VPS26C: variants seen among roughly 807,000 people sequenced by gnomAD.
VPS26C encodes VPS26 endosomal protein sorting factor C.
A neutral mutation model predicts 30.6 loss-of-function variants in VPS26C; 19 were observed. The ratio of observed to expected loss-of-function variants is 0.62; its 90% CI spans 0.43 to 0.91. The LOEUF (loss-of-function observed/expected upper bound fraction) is 0.91, where lower values mean the gene tolerates loss of function less well. VPS26C is among the 40% of genes least tolerant of loss of function. The pLI, the probability that VPS26C is intolerant of heterozygous loss-of-function variation, is 0.00. For synonymous variants in VPS26C, 132 were observed against 151.5 expected (o/e 0.87, Z 0.95); for missense variants, 318 against 385.1 (o/e 0.83, Z 1.46).
At chr21:37,240,725 C>T in intron 1 of VPS26C, 86 bp from the exon 2 acceptor site, 1 of 1,496,244 alleles carries the variant, frequency 6.7e-7, no homozygotes, top group South Asian at 1.3e-5. Context: ...TCTCCTTCAT[C>T]ATCAATTTGT....
chr21:37,264,873 G>A, intron 1 of VPS26C, among the ~76,000 whole-genome samples: 1 of 152,132 alleles, frequency 6.6e-6, no homozygotes, highest in East Asian at 1.9e-4. Flanking sequence ...CGAAAAGGTA[G>A]AAATAACTCC....
At position 37,228,402 on chromosome 21, in the gene VPS26C, G is replaced by C. The variant is rs372987031; in HGVS notation, c.508-29C>G. 2.1e-4 allele frequency: 344 copies of C among 1,611,496 alleles called. 1 individual carries two copies. The highest frequency in any genetic ancestry group is 2.7e-4 in the Non-Finnish European group (324 of 1,178,724). Reference sequence around the variant, plus strand: ...AAACAAAATGAAAACAAATACATCAGAATGCAGGCAAGGGGGGAAAGTGCT... The same window carrying C: ...AAACAAAATGAAAACAAATACATCACAATGCAGGCAAGGGGGGAAAGTGCT... On this transcript the variant is annotated intron_variant, in intron 5 of 7. Transcript: ENST00000309117.
At position 37,225,422 on chromosome 21, in the gene VPS26C, T is replaced by G; in HGVS notation, c.*122A>C. ...AAGTTAATTTGAGGGTCTGTTTCAT[T>G]TCTGATACAGAATAATCACAAAAAC... On this transcript the variant is annotated 3_prime_UTR_variant, in exon 8 of 8. Coordinates refer to ENST00000309117, the MANE Select transcript of VPS26C (RefSeq NM_006052.2). The G allele has an allele frequency of 1.2e-6, 1 of 833,650 alleles. No individual in the cohort carries two copies. The allele number at this position is 833,650 out of a possible 1,614,324, so 51.6% of individuals were successfully genotyped here.
At chr21:37,266,413 TG>T (rs1159986516) in intron 1 of VPS26C, among the ~76,000 whole-genome samples, 1 of 152,174 alleles carries the variant, frequency 6.6e-6, no homozygotes, top group African/African-American at 2.4e-5. Flanking sequence ...CAAAGAGTGT[TG>T]GGGCTGTGAT....
chr21:37,232,782 GCTCTTC>G (rs2085979350), intron 4 of VPS26C: 3 of 393,670 alleles, frequency 7.6e-6, no homozygotes, highest in Non-Finnish European at 1.4e-5. Context: ...CCTCCAAAGG[GCTCTTC>G]ACACCTCCCA....
chr21:37,252,019 G>A (rs2086198667), intron 1 of VPS26C, among the ~76,000 whole-genome samples: 1 of 152,202 alleles, frequency 6.6e-6, no homozygotes, highest in Non-Finnish European at 1.5e-5. Context: ...ACAGTCGTGT[G>A]CATATATCTG....
intron 1 of VPS26C, among the ~76,000 whole-genome samples, chr21:37,246,069 A>T (rs2086135519): frequency 6.6e-6 from 1 of 151,978 alleles, no homozygotes; most frequent in African/African-American, 2.4e-5. Flanking sequence ...ACACACAGCT[A>T]TGCCTAATTA....
At chr21:37,267,646 G>A, upstream of VPS26C, 3 of 302,868 alleles carry the variant, frequency 9.9e-6, no homozygotes, top group South Asian at 1.3e-4. Context: ...GGGAGGAACG[G>A]CTCTCCCCGC....
chr21:37,235,009 A>G (rs1602267740), intron 3 of VPS26C, among the ~76,000 whole-genome samples: 1 of 145,906 alleles, frequency 6.9e-6, no homozygotes, highest in East Asian at 2.0e-4. Context: ...ATGGCTGGCT[A>G]ATTTTTTTTT....
chr21:37,228,145 C>T, intron 6 of VPS26C, 78 bp downstream of exon 6: 1 of 1,547,922 alleles, frequency 6.5e-7, no homozygotes, highest in South Asian at 1.2e-5. Context: ...AGCCCCCCAG[C>T]ATCCTCTTAA....
intron 1 of VPS26C, among the ~76,000 whole-genome samples, chr21:37,245,048 C>T (rs1042339385): frequency 7.9e-5 from 12 of 152,228 alleles, no homozygotes; most frequent in African/African-American, 2.9e-4. Flanking sequence ...GTAAATCCTC[C>T]GGCTATTAGA....
chr21:37,231,172 C>T (rs145997026), intron 5 of VPS26C, among the ~76,000 whole-genome samples: 60 of 152,200 alleles, frequency 3.9e-4, no homozygotes, highest in African/African-American at 1.3e-3. Flanking sequence ...AACTGACAAC[C>T]GAGGATCAAT....
chr21:37,267,393 C>T (rs2086379776), upstream of VPS26C: 19 of 1,114,822 alleles, frequency 1.7e-5, no homozygotes, highest in Non-Finnish European at 2.0e-5. Flanking sequence ...CCCTTTCCCT[C>T]TCTGCCGGCA....
At chr21:37,225,831 C>G in intron 7 of VPS26C, 1 of 582,250 alleles carries the variant, frequency 1.7e-6, no homozygotes, top group Non-Finnish European at 3.1e-6. Context: ...CTACCTCTGT[C>G]AACTTTCTCT....
At position 37,233,432 on chromosome 21, in the gene VPS26C, C is replaced by G; in HGVS notation, c.362G>C (p.Arg121Pro). Residue 121 changes from arginine to proline, a missense_variant, in exon 4 of 8, where the codon CGC becomes CCC. By Grantham distance (103) the Arg-to-Pro change is moderately radical. Coordinates refer to ENST00000309117, the MANE Select transcript of VPS26C (RefSeq NM_006052.2). The surrounding 1 kb of genome is among the most constrained non-coding windows in gnomAD (Gnocchi z 5.2). ...GVFVNIQYTL[R>P]CDMKRSLLAK... Reference sequence around the variant, plus strand: ...CAACAGAGACCGCTTCATGTCACAGCGCAGTGTATACTAAAGGGGAGAGTT... The same window carrying G: ...CAACAGAGACCGCTTCATGTCACAGGGCAGTGTATACTAAAGGGGAGAGTT... The G allele has an allele frequency of 1.2e-6, 2 of 1,613,938 alleles. No homozygotes were observed. The highest frequency in any genetic ancestry group is 1.1e-5 in the South Asian group (1 of 91,080).
At chr21:37,225,674 C>G in intron 7 of VPS26C, 48 bp from the exon 8 acceptor site, 1 of 1,474,346 alleles carries the variant, frequency 6.8e-7, no homozygotes, top group East Asian at 2.3e-5. Flanking sequence ...TACCAAGCAG[C>G]GAAACCACAC....
At chr21:37,259,035 G>C (rs1420962652) in intron 1 of VPS26C, among the ~76,000 whole-genome samples, 1 of 152,098 alleles carries the variant, frequency 6.6e-6, no homozygotes, top group Non-Finnish European at 1.5e-5. Context: ...CCTACTTAAA[G>C]TTTGGATGAC....
chr21:37,243,607 G>A (rs2086109402), intron 1 of VPS26C, among the ~76,000 whole-genome samples: 1 of 152,174 alleles, frequency 6.6e-6, no homozygotes, highest in Admixed American at 6.5e-5. Context: ...CCAGCCCAGA[G>A]ACACTGAAAG....
chr21:37,235,182 T>C (rs1602267886), intron 3 of VPS26C, among the ~76,000 whole-genome samples: 1 of 152,118 alleles, frequency 6.6e-6, no homozygotes, highest in East Asian at 1.9e-4. Context: ...AATTTTTGTA[T>C]TTTAGTAGAG....
Sources: allele counts gnomAD v4.1 joint callset (sites outside exome capture counted in the v4.1 genomes callset), GRCh38; gene constraint gnomAD v4.1.1; non-coding constraint Gnocchi (gnomAD v3.1); transcripts MANE v1.5; gene names NCBI Gene and HGNC (gene_info 2026-07-23, HGNC 2026-07-21).